The following PZP variants were observed in gnomAD, a reference collection of about 807,000 sequenced individuals.
The protein encoded by PZP is pregnancy zone protein.
In PZP, 150 loss-of-function variants were observed where a neutral mutation model predicts 179.8. The ratio of observed to expected loss-of-function variants is 0.83; its 90% CI spans 0.73 to 0.96. The LOEUF is 0.96. PZP is among the 40% of genes least tolerant of loss of function. The probability of loss-of-function intolerance (pLI) is 0.00; values close to 1 mark genes in which losing one functional copy is unlikely to be tolerated. For missense variants in PZP, 1,689 were observed against 1,764.0 expected (o/e 0.96, Z 0.76); for synonymous variants, 624 against 652.3 (o/e 0.96, Z 0.66).
Position 9,150,763 on chromosome 12 carries a change from G to A in PZP, c.4282-17C>T. ...ATTTGTCACCTGAAAGGAAAAGTGG[G>A]AGTAATCAAGAACCTAGAAAACCTC... On this transcript the variant is annotated splice_polypyrimidine_tract_variant and intron_variant, in intron 33 of 35. Coordinates refer to ENST00000261336, the MANE Select transcript of PZP (RefSeq NM_002864.3). 1 of 1,528,250 alleles carries A rather than the reference G, an allele frequency of 6.5e-7. No homozygotes were observed. 94.7% of individuals were successfully genotyped at this position (1,528,250 alleles called of 1,614,324 possible).
At chr12:9,181,939 AT>A in intron 14 of PZP, 35 bp downstream of exon 14, 1 of 1,603,724 alleles carries the variant, frequency 6.2e-7, no homozygotes. Flanking sequence ...AGTATCATTT[AT>A]TTGTGTTCTT....
At chr12:9,182,830 G>A (rs1016443249) in intron 13 of PZP, among the ~76,000 whole-genome samples, 1 of 152,158 alleles carries the variant, frequency 6.6e-6, no homozygotes, top group African/African-American at 2.4e-5. Flanking sequence ...ATAAAACCAC[G>A]AGAGACTTAA....
chr12:9,196,748 C>T lies in PZP; in HGVS notation c.868-63G>A. The T allele has an allele frequency of 5.8e-6, 8 of 1,383,228 alleles. No individual in the cohort carries two copies. The South Asian group carries it at 5.9e-5, about 10-fold the overall frequency. 85.7% of individuals were successfully genotyped at this position (1,383,228 alleles called of 1,614,324 possible). The stretch of plus-strand genomic sequence containing the variant: ...TTGAGATCAATAGTCACTGAATCTA[C>T]TATTCTGTCTCTAATGACAAGAAAA... On this transcript the variant is annotated intron_variant, in intron 8 of 35. Coordinates refer to ENST00000261336, the MANE Select transcript of PZP (RefSeq NM_002864.3).
chr12:9,159,381 C>T (rs1301138519), intron 25 of PZP, among the ~76,000 whole-genome samples: 1 of 152,112 alleles, frequency 6.6e-6, no homozygotes, highest in African/African-American at 2.4e-5. Context: ...TCTCACTTCC[C>T]AGGGTAGCTA....
chr12:9,138,584 TA>T, the PZP span, among the ~76,000 whole-genome samples: 147 of 152,094 alleles, frequency 9.7e-4, no homozygotes, highest in Non-Finnish European at 1.7e-3. Context: ...GGCACTTTTT[TA>T]AAAAAATGTG....
chr12:9,160,766 T>G (rs1006621780), intron 23 of PZP, among the ~76,000 whole-genome samples: 4 of 151,886 alleles, frequency 2.6e-5, no homozygotes, highest in Non-Finnish European at 5.9e-5. Flanking sequence ...TACAAAAAAA[T>G]TAGCCGGGCG....
rs1344589075 is a variant in PZP, at chr12:9,170,696, T to TC, written c.1840-1106dup. On this transcript the variant is annotated intron_variant, in intron 15 of 35. Coordinates refer to ENST00000261336, the MANE Select transcript of PZP (RefSeq NM_002864.3). This position sits in a 1 kb window ranked among gnomAD's most constrained non-coding sequence, Gnocchi z 4.6. ...TACAGATGGTCTGGATGAGGAACGGTCCCCCACGATGCAGCACAGCTGCCT... is the reference window on the plus strand; with the variant it reads ...TACAGATGGTCTGGATGAGGAACGGTCCCCCCACGATGCAGCACAGCTGCCT... Among the ~76,000 whole-genome samples the TC allele has an allele frequency of 1.3e-5, 2 of 151,942 alleles. No homozygotes were observed. Among genetic ancestry groups the TC allele is most frequent in the Admixed American group, 1.3e-4 (2 of 15,258 alleles).
chr12:9,157,940 C>G (rs778676993), intron 26 of PZP, 99 bp from the exon 27 acceptor site: 11 of 975,718 alleles, frequency 1.1e-5, no homozygotes, highest in Middle Eastern at 2.1e-4. Flanking sequence ...TGTTTCCATT[C>G]AAAGTATACC....
In PZP at chr12:9,203,756, C is replaced by T. The variant is rs754177579; in HGVS notation, c.267+12G>A. 46 of 1,613,616 alleles carry T rather than the reference C, an allele frequency of 2.9e-5. No homozygotes were observed. In the Admixed American group the frequency reaches 7.3e-4, roughly 26 times the overall value. On this transcript the variant is annotated intron_variant, in intron 2 of 35. Coordinates refer to ENST00000261336, the MANE Select transcript of PZP (RefSeq NM_002864.3). ...TCAAGCAGGGATAGCCAGCTGGCAC[C>T]GTAGCACTCACAGTGAAGGAGACAC...
chr12:9,160,708 A>G (rs7968679), intron 23 of PZP, among the ~76,000 whole-genome samples: 38,691 of 152,044 alleles, frequency 0.25, 5,594 homozygotes, highest in Admixed American at 0.33. Flanking sequence ...AGGTCAGGAT[A>G]TCGAGACCAT....
At chr12:9,202,253 C>G (rs1359807569) in intron 4 of PZP, 66 bp downstream of exon 4, 9 of 1,371,366 alleles carry the variant, frequency 6.6e-6, no homozygotes, top group Non-Finnish European at 9.3e-6. Flanking sequence ...TTGTACCTTT[C>G]TACCTCACTC....
intron 6 of PZP, 126 bp downstream of exon 6, chr12:9,200,766 T>G: frequency 1.0e-6 from 1 of 1,001,298 alleles, no homozygotes. Context: ...GTCCTAATGG[T>G]CTTAGAAGCA....
Position 9,181,051 on chromosome 12 carries a change from A to G in PZP, c.1771T>C (p.Cys591Arg). 2 of 1,614,216 alleles carry G rather than the reference A, an allele frequency of 1.2e-6. No homozygotes were observed. The highest frequency in any genetic ancestry group is 1.7e-6 in the Non-Finnish European group (2 of 1,180,024). The change falls in exon 15 of 36, where the codon TGT becomes CGT. Residue 591 changes from cysteine (C) to arginine (R), a missense_variant. Around this residue, in one of 3 missense-constraint regions of PZP, gnomAD observed 742 missense variants for 730.5 expected, o/e 1.02. Coordinates refer to ENST00000261336, the MANE Select transcript of PZP (RefSeq NM_002864.3). ...LQVAAAPQSL[C>R]ALRAVDQSVL... ...CTTTGGTCCACAGCACGAAGGGCACAGAGGGACTGCGGAGCAGCTGCTACT... is the reference window on the plus strand; with the variant it reads ...CTTTGGTCCACAGCACGAAGGGCACGGAGGGACTGCGGAGCAGCTGCTACT...
Position 9,192,707 on chromosome 12 carries a change from G to C in PZP, c.1287C>G (p.His429Gln). The change falls in exon 12 of 36, where the codon CAC becomes CAG. Residue 429 changes from histidine to glutamine, a missense_variant. Transcript: ENST00000261336. ...VFTVHPNLCF[H>Q]YSWVAEDHQG... ...GGTGGTCTTCTGCTACCCATGAATAGTGAAAACACAAGTTGGGATGCACAG... is the reference window on the plus strand; with the variant it reads ...GGTGGTCTTCTGCTACCCATGAATACTGAAAACACAAGTTGGGATGCACAG... The C allele has an allele frequency of 6.2e-7, 1 of 1,613,110 alleles. No individual in the cohort carries two copies. Among genetic ancestry groups the C allele is most frequent in the Non-Finnish European group, 8.5e-7 (1 of 1,179,066 alleles).
chr12:9,166,672 C>T (rs4882982), intron 17 of PZP, among the ~76,000 whole-genome samples: 108,673 of 152,086 alleles, frequency 0.71, 39,118 homozygotes, highest in East Asian at 0.86. Context: ...TACTTTAAAT[C>T]ACTGTATGGA....
At chr12:9,165,440 C>T in intron 18 of PZP, 73 bp from the exon 19 acceptor site, 1 of 1,538,708 alleles carries the variant, frequency 6.5e-7, no homozygotes, top group Non-Finnish European at 8.9e-7. Context: ...AATTAATATG[C>T]ATAAAGCTAA....
chr12:9,175,604 A>G (rs1942308687), intron 15 of PZP, among the ~76,000 whole-genome samples: 1 of 152,204 alleles, frequency 6.6e-6, no homozygotes, highest in Non-Finnish European at 1.5e-5. Flanking sequence ...AGGAACTTAA[A>G]CAAATTTACA....
chr12:9,198,805 T>C lies in PZP; in HGVS notation c.755+1559A>G, dbSNP rs1378389799. Among the ~76,000 whole-genome samples, 3 of 152,204 alleles carry C rather than the reference T, an allele frequency of 2.0e-5. No individual in the cohort carries two copies. The East Asian group carries it at 5.8e-4, about 29-fold the overall frequency. On this transcript the variant is annotated intron_variant, in intron 7 of 35. Transcript: ENST00000261336. ...TATTCTGAAGCCCTTCTCCAACATATAGATATCTGCACTACGGCACTATTA... is the reference window on the plus strand; with the variant it reads ...TATTCTGAAGCCCTTCTCCAACATACAGATATCTGCACTACGGCACTATTA...
chr12:9,180,819 G>C (rs1942708930), intron 15 of PZP, among the ~76,000 whole-genome samples, 164 bp downstream of exon 15: 3 of 152,196 alleles, frequency 2.0e-5, no homozygotes, highest in Admixed American at 6.5e-5. Context: ...TTAAACTAAA[G>C]AGCTTCTGCA....
Sources: allele counts gnomAD v4.1 joint callset (sites outside exome capture counted in the v4.1 genomes callset), GRCh38; gene constraint gnomAD v4.1.1; regional missense constraint gnomAD v4.1.1; non-coding constraint Gnocchi (gnomAD v3.1); transcripts MANE v1.5; gene names NCBI Gene and HGNC (gene_info 2026-07-23, HGNC 2026-07-21).